SLC44A5: variants seen among roughly 807,000 people sequenced by gnomAD.
SLC44A5 encodes choline transporter-like protein 5.
SLC44A5 carries 57 observed loss-of-function variants against 101.8 expected under a neutral mutation model. That is an observed-to-expected ratio of 0.56 (90% CI 0.45 to 0.70). The LOEUF (loss-of-function observed/expected upper bound fraction) is 0.70, where lower values mean the gene tolerates loss of function less well. SLC44A5 is among the 30% of genes least tolerant of loss of function. SLC44A5 has a pLI of 0.00. For missense variants in SLC44A5, 737 were observed against 853.1 expected, an observed-to-expected ratio of 0.86 and a Z score of 1.70; for synonymous variants, 281 against 290.9, an observed-to-expected ratio of 0.97 and a Z score of 0.35.
intron 3 of SLC44A5, among the ~76,000 whole-genome samples, chr1:75,352,291 A>G (rs914470814): frequency 8.6e-5 from 13 of 152,042 alleles, no homozygotes; most frequent in African/African-American, 3.1e-4. Flanking sequence ...TGCTGCACAG[A>G]TCAACCCATC....
intron 1 of SLC44A5, among the ~76,000 whole-genome samples, chr1:75,579,730 A>C (rs1673574622): frequency 6.6e-6 from 1 of 152,134 alleles, no homozygotes; most frequent in African/African-American, 2.4e-5. Context: ...TAAGGTTTAG[A>C]GAAGACAGAA....
At chr1:75,506,551 C>T (rs1464929169) in intron 2 of SLC44A5, among the ~76,000 whole-genome samples, 3 of 152,016 alleles carry the variant, frequency 2.0e-5, no homozygotes, top group South Asian at 2.1e-4. Flanking sequence ...TGGAGAGCTC[C>T]GTCACCTCCA....
At chr1:75,410,771 A>T (rs1443000177) in intron 2 of SLC44A5, among the ~76,000 whole-genome samples, 1 of 152,122 alleles carries the variant, frequency 6.6e-6, no homozygotes, top group African/African-American at 2.4e-5. Context: ...GAGTTTGTAG[A>T]AATCGTGCTT....
the SLC44A5 span, among the ~76,000 whole-genome samples, chr1:75,648,598 C>T: frequency 2.0e-5 from 3 of 151,906 alleles, no homozygotes; most frequent in Non-Finnish European, 4.4e-5. Flanking sequence ...GATTGTATGG[C>T]CTGCTTTAGG....
At chr1:75,322,713 AAAACAAACAAAC>A (rs373119442) in intron 4 of SLC44A5, among the ~76,000 whole-genome samples, 1 of 152,088 alleles carries the variant, frequency 6.6e-6, no homozygotes. Context: ...TCACTCAGCA[AAAACAAACAAAC>A]AAACAAACAA....
intron 3 of SLC44A5, chr1:75,354,057 G>C: frequency 3.2e-6 from 1 of 310,930 alleles, no homozygotes; most frequent in Non-Finnish European, 6.2e-6. Context: ...AAATGTTTTA[G>C]AATCCAAATA....
chr1:75,546,332 C>G (rs1375881112), intron 1 of SLC44A5, among the ~76,000 whole-genome samples: 1 of 12,118 alleles, frequency 8.3e-5, no homozygotes. Flanking sequence ...CTCAGCCTCC[C>G]GAGTAGCTGG....
Position 75,219,841 on chromosome 1 carries a change from A to C in SLC44A5, c.1137T>G (p.Ile379Met), listed in dbSNP as rs1187433213. The change falls in exon 15 of 24, where the codon ATT becomes ATG. Residue 379 changes from isoleucine to methionine, a missense_variant. Physicochemically the swap from Ile to Met is conservative, Grantham distance 10. This residue lies in a region of SLC44A5 where 665 missense variants were observed against 764.4 expected (regional missense o/e 0.87). Coordinates refer to ENST00000370859, the MANE Select transcript of SLC44A5 (RefSeq NM_001130058.2). ...STLVYPALTF[I>M]LLSICICYWV... ...AGTAGCAAATGCAGATTGAGAGCAA[A>C]ATGAAAGTTAAAGCTGGATAGACTA... The C allele has an allele frequency of 2.5e-6, 4 of 1,613,060 alleles. No homozygotes were observed. The South Asian group carries it at 4.4e-5, about 18-fold the overall frequency.
In SLC44A5 at chr1:75,389,652, G is replaced by A. The variant is rs147129227; in HGVS notation, c.52+6931C>T. Reference sequence around the variant, plus strand: ...CACAACATAGCAAAATCTCTGGGATGCAGCAAAAGCAGTGTTAAGAGGAAA... The same window carrying A: ...CACAACATAGCAAAATCTCTGGGATACAGCAAAAGCAGTGTTAAGAGGAAA... On this transcript the variant is annotated intron_variant, in intron 3 of 23. Transcript: ENST00000370859. Among the ~76,000 whole-genome samples the A allele has an allele frequency of 4.7e-3, 715 of 152,262 alleles. 6 individuals are homozygous for A. The highest frequency in any genetic ancestry group is 0.016 in the African/African-American group (673 of 41,564).
intron 2 of SLC44A5, among the ~76,000 whole-genome samples, chr1:75,508,385 C>T (rs558896824): frequency 1.3e-5 from 2 of 152,178 alleles, no homozygotes; most frequent in South Asian, 4.1e-4. Flanking sequence ...ACACTAAACA[C>T]CTACATCAAA....
intron 4 of SLC44A5, among the ~76,000 whole-genome samples, chr1:75,326,481 C>G (rs1361010115): frequency 6.6e-6 from 1 of 151,884 alleles, no homozygotes; most frequent in Non-Finnish European, 1.5e-5. Context: ...TAGTTTTAAC[C>G]CCCCAATTGT....
chr1:75,302,104 G>GATTTT (rs1654496999), intron 4 of SLC44A5, among the ~76,000 whole-genome samples: 1 of 49,590 alleles, frequency 2.0e-5, no homozygotes, highest in Non-Finnish European at 3.4e-5. Flanking sequence ...AGGTGCTCTA[G>GATTTT]TTTTTTTGTT....
chr1:75,362,300 G>T (rs76447973), intron 3 of SLC44A5, among the ~76,000 whole-genome samples: 5 of 151,242 alleles, frequency 3.3e-5, no homozygotes, highest in Non-Finnish European at 7.4e-5. Context: ...TTTATGCTGT[G>T]ATCTTCATTA....
chr1:75,437,914 G>A lies in SLC44A5; in HGVS notation c.14-41293C>T, dbSNP rs142129685. Among the ~76,000 whole-genome samples, 621 of 152,196 alleles carry A rather than the reference G, an allele frequency of 4.1e-3. 5 individuals are homozygous for A. The highest frequency in any genetic ancestry group is 0.014 in the African/African-American group (597 of 41,536). ...GAGATAAATTTTGTGTGAGTATAGT[G>A]GGTTTCCAATAATGCACATTTCTTT... On this transcript the variant is annotated intron_variant, in intron 2 of 23. Transcript: ENST00000370859.
At chr1:75,314,817 G>A (rs1373068734) in intron 4 of SLC44A5, among the ~76,000 whole-genome samples, 4 of 152,066 alleles carry the variant, frequency 2.6e-5, no homozygotes, top group Non-Finnish European at 4.4e-5. Context: ...TGATTGCTTT[G>A]TTTTAGTTAG....
At chr1:75,646,502 G>A in the SLC44A5 span, among the ~76,000 whole-genome samples, 1 of 152,282 alleles carries the variant, frequency 6.6e-6, no homozygotes, top group Admixed American at 6.5e-5. Context: ...TCTATGGACA[G>A]TTGATATGGC....
intron 5 of SLC44A5, among the ~76,000 whole-genome samples, chr1:75,294,838 A>C (rs1194991145): frequency 1.3e-5 from 2 of 152,184 alleles, no homozygotes; most frequent in African/African-American, 4.8e-5. Context: ...TCCAACTCAT[A>C]GAAGCAGAGA....
At chr1:75,670,528 G>A in the SLC44A5 span, among the ~76,000 whole-genome samples, 1 of 152,204 alleles carries the variant, frequency 6.6e-6, no homozygotes, top group South Asian at 2.1e-4. Context: ...TTTTATATTT[G>A]ACAATTATAT....
chr1:75,504,920 T>C (rs919893065), intron 2 of SLC44A5, among the ~76,000 whole-genome samples: 5 of 152,148 alleles, frequency 3.3e-5, no homozygotes, highest in Admixed American at 3.3e-4. Context: ...ATACTCATGT[T>C]TGCGTTATGA....
Sources: allele counts gnomAD v4.1 joint callset (sites outside exome capture counted in the v4.1 genomes callset), GRCh38; gene constraint gnomAD v4.1.1; regional missense constraint gnomAD v4.1.1; transcripts MANE v1.5; gene names NCBI Gene and HGNC (gene_info 2026-07-23, HGNC 2026-07-21).